Variants in KSR2 observed in about 807,000 individuals in gnomAD.
KSR2 encodes the protein kinase suppressor of ras 2.
Under a neutral mutation model 107.8 loss-of-function variants are expected in KSR2, and 25 were observed. That is an observed-to-expected ratio of 0.23 (90% CI 0.17 to 0.32). The LOEUF is 0.32. Ranked by LOEUF, KSR2 falls within the 10% of genes least tolerant of loss-of-function variation. KSR2 has a pLI of 1.00. For missense variants in KSR2, 887 were observed against 1,268.9 expected (o/e 0.70, Z 4.57); for synonymous variants, 480 against 507.0 (o/e 0.95, Z 0.71).
chr12:117,882,833 T>G (rs1894067633), intron 1 of KSR2, among the ~76,000 whole-genome samples: 1 of 147,466 alleles, frequency 6.8e-6, no homozygotes, highest in African/African-American at 2.5e-5. Context: ...ATCTATTCAT[T>G]TATTCATCCA....
At chr12:117,539,249 G>A (rs1048584454) in intron 10 of KSR2, among the ~76,000 whole-genome samples, 2 of 152,184 alleles carry the variant, frequency 1.3e-5, no homozygotes, top group African/African-American at 4.8e-5. Context: ...CCTCACATCT[G>A]GGTTAAGACT....
chr12:117,900,153 C>T (rs1894638877), intron 1 of KSR2, among the ~76,000 whole-genome samples: 2 of 152,188 alleles, frequency 1.3e-5, no homozygotes, highest in South Asian at 4.1e-4. Flanking sequence ...TTTTAAGCCA[C>T]CATGTTTGTG....
chr12:117,865,881 A>G (rs1057063361), intron 1 of KSR2, among the ~76,000 whole-genome samples: 9 of 152,166 alleles, frequency 5.9e-5, no homozygotes, highest in African/African-American at 2.2e-4. Flanking sequence ...ACCCAGGCAT[A>G]GTGTTAAATA....
chr12:117,848,849 G>GGT (rs1218546371), intron 3 of KSR2, among the ~76,000 whole-genome samples: 43 of 151,156 alleles, frequency 2.8e-4, no homozygotes, highest in South Asian at 4.3e-4. Context: ...TGGTGATGGT[G>GGT]ATGATGGTGA....
intron 16 of KSR2, among the ~76,000 whole-genome samples, chr12:117,481,361 T>A (rs1321788968): frequency 6.6e-6 from 1 of 152,158 alleles, no homozygotes; most frequent in Non-Finnish European, 1.5e-5. Flanking sequence ...TAAGGTTAAA[T>A]GAGATTGTAA....
chr12:117,606,840 C>T (rs1881306564), intron 5 of KSR2, among the ~76,000 whole-genome samples: 1 of 151,640 alleles, frequency 6.6e-6, no homozygotes. Flanking sequence ...CTGTTTTCCT[C>T]AATGAAGAAA....
At position 117,453,710 on chromosome 12, in the gene KSR2, G is replaced by A. The variant is rs762528166; in HGVS notation, c.*13489C>T. On this transcript the variant is annotated 3_prime_UTR_variant, in exon 20 of 20. Transcript: ENST00000339824. ...CGAGTGGATCCTGGTACAAGATCAA[G>A]TCTCAAAGAGAGCGAGAAATGAGAG... The A allele has an allele frequency of 6.6e-6, 1 of 152,170 alleles. No individual in the cohort carries two copies. The highest frequency in any genetic ancestry group is 1.5e-5 in the Non-Finnish European group (1 of 68,028). The allele number at this position is 152,170 out of a possible 1,614,324, so 9.4% of individuals were successfully genotyped here. A position where few individuals can be genotyped will look rare whatever the true frequency, so the allele number is the denominator to read the frequency against.
intron 5 of KSR2, among the ~76,000 whole-genome samples, chr12:117,585,381 A>T (rs1220200296): frequency 6.6e-6 from 1 of 152,188 alleles, no homozygotes; most frequent in Non-Finnish European, 1.5e-5. Flanking sequence ...GTTATTCTCA[A>T]TTACAGCTCC....
At position 117,759,392 on chromosome 12, in the gene KSR2, G is replaced by C. The variant is rs1888915493; in HGVS notation, c.986+1619C>G. ...CAACAGAGACTGAATGGTCTGCAAA[G>C]CCTAAAGTATTTACTATCTGCCCCT... On this transcript the variant is annotated intron_variant, in intron 4 of 19. Transcript: ENST00000339824. 3.3e-5 allele frequency among the ~76,000 whole-genome samples: 5 copies of C among 152,286 alleles called. No homozygotes were observed. In the South Asian group the frequency reaches 1.0e-3, roughly 32 times the overall value.
At chr12:117,595,610 G>A (rs578145886) in intron 5 of KSR2, among the ~76,000 whole-genome samples, 3 of 152,094 alleles carry the variant, frequency 2.0e-5, no homozygotes, top group South Asian at 4.1e-4. Context: ...TGATCCACCC[G>A]CCTCGGCCTC....
intron 8 of KSR2, among the ~76,000 whole-genome samples, chr12:117,557,104 G>A (rs143521093): frequency 0.011 from 1,736 of 152,262 alleles, 43 homozygotes; most frequent in African/African-American, 0.039. Context: ...GGCAGAGGTT[G>A]CAGTGAGCTG....
At chr12:117,566,211 C>A (rs181094452) in intron 7 of KSR2, among the ~76,000 whole-genome samples, 2 of 152,124 alleles carry the variant, frequency 1.3e-5, no homozygotes, top group Middle Eastern at 3.2e-3. Flanking sequence ...AACTTCCGCC[C>A]CCAGTTCGAG....
At chr12:117,820,603 G>A (rs1286525984) in intron 3 of KSR2, among the ~76,000 whole-genome samples, 4 of 152,096 alleles carry the variant, frequency 2.6e-5, no homozygotes, top group East Asian at 1.9e-4. Flanking sequence ...GGAAGACTTC[G>A]GGCAGGTGCC....
At chr12:117,540,801 C>A (rs77927658) in intron 9 of KSR2, among the ~76,000 whole-genome samples, 2 of 152,172 alleles carry the variant, frequency 1.3e-5, no homozygotes, top group African/African-American at 4.8e-5. Flanking sequence ...TAGAAGGCAA[C>A]CTTGCTGGCA....
At chr12:117,912,688 T>C (rs1362833848) in intron 1 of KSR2, among the ~76,000 whole-genome samples, 2 of 152,234 alleles carry the variant, frequency 1.3e-5, no homozygotes, top group African/African-American at 4.8e-5. Flanking sequence ...TGTTTTGTAC[T>C]TTGTAACACT....
intron 3 of KSR2, among the ~76,000 whole-genome samples, chr12:117,800,830 T>C (rs1286921107): frequency 2.6e-5 from 4 of 152,102 alleles, no homozygotes. Flanking sequence ...AACTCCCACT[T>C]ATAAGTGAGA....
chr12:117,688,082 T>A (rs1565961801), intron 4 of KSR2, among the ~76,000 whole-genome samples: 1 of 152,020 alleles, frequency 6.6e-6, no homozygotes, highest in Admixed American at 6.5e-5. Context: ...AATTCCCTTT[T>A]AAAAAAAAGT....
At chr12:117,630,590 A>G (rs78174520) in intron 5 of KSR2, among the ~76,000 whole-genome samples, 1,932 of 152,134 alleles carry the variant, frequency 0.013, 49 homozygotes, top group African/African-American at 0.045. Flanking sequence ...TTGTCTGCAG[A>G]GTGGGGAATG....
chr12:117,810,734 G>C (rs1891162626), intron 3 of KSR2, among the ~76,000 whole-genome samples: 1 of 152,142 alleles, frequency 6.6e-6, no homozygotes, highest in South Asian at 2.1e-4. Flanking sequence ...TATGAAGATG[G>C]TTAAACTGTT....
Sources: allele counts gnomAD v4.1 joint callset (sites outside exome capture counted in the v4.1 genomes callset), GRCh38; gene constraint gnomAD v4.1.1; transcripts MANE v1.5; gene names NCBI Gene and HGNC (gene_info 2026-07-23, HGNC 2026-07-21).